CACNG2: variants seen among roughly 807,000 people sequenced by gnomAD.
The protein encoded by CACNG2 is calcium voltage-gated channel auxiliary subunit gamma 2, also known as voltage-dependent calcium channel gamma-2 subunit.
CACNG2 carries 3 observed loss-of-function variants against 25.9 expected under a neutral mutation model. The observed-to-expected ratio is 0.12, with a 90% CI of 0.05 to 0.30. The LOEUF is 0.30. CACNG2 is among the 10% of genes least tolerant of loss of function. The pLI is 1.00. For missense variants in CACNG2, 341 were observed against 432.5 expected (o/e 0.79, Z 1.88); for synonymous variants, 167 against 173.3 (o/e 0.96, Z 0.29).
intron 1 of CACNG2, among the ~76,000 whole-genome samples, chr22:36,588,914 T>C (rs187939693): frequency 1.3e-5 from 2 of 152,284 alleles, no homozygotes; most frequent in East Asian, 3.9e-4. Flanking sequence ...GACTATGTCT[T>C]ATAAAATAGG....
At chr22:36,654,266 G>C (rs1012885754) in intron 1 of CACNG2, among the ~76,000 whole-genome samples, 2 of 151,726 alleles carry the variant, frequency 1.3e-5, no homozygotes, top group Non-Finnish European at 2.9e-5. Flanking sequence ...TCTTCTTGTA[G>C]TTGTGTGTGC....
chr22:36,653,416 G>C (rs918975282), intron 1 of CACNG2, among the ~76,000 whole-genome samples: 4 of 127,312 alleles, frequency 3.1e-5, no homozygotes, highest in African/African-American at 2.2e-4. Flanking sequence ...GGCTTCCTTT[G>C]AAAAACTGGA....
intron 2 of CACNG2, among the ~76,000 whole-genome samples, chr22:36,578,049 T>TGGGGCTGGGTGATCCTAAGCTAGGATGA (rs1390458574): frequency 6.8e-6 from 1 of 146,692 alleles, no homozygotes; most frequent in Non-Finnish European, 1.5e-5. Flanking sequence ...AATGGGAGGG[T>TGGGGCTGGGTGATCCTAAGCTAGGATGA]GGGGCTGGGT....
chr22:36,604,614 T>G (rs4821509), intron 1 of CACNG2, among the ~76,000 whole-genome samples: 30,838 of 152,124 alleles, frequency 0.2, 3,835 homozygotes, highest in Non-Finnish European at 0.28. Flanking sequence ...TCAGCAGCTA[T>G]CAACATCGAG....
At chr22:36,599,856 A>G (rs1935728559) in intron 1 of CACNG2, among the ~76,000 whole-genome samples, 1 of 152,212 alleles carries the variant, frequency 6.6e-6, no homozygotes, top group Admixed American at 6.5e-5. Context: ...GGCTGTTTCC[A>G]AATATGTCTT....
intron 1 of CACNG2, among the ~76,000 whole-genome samples, chr22:36,686,497 G>A (rs775744045): frequency 5.3e-5 from 8 of 152,174 alleles, no homozygotes; most frequent in East Asian, 1.9e-4. Context: ...GGAGGAAGGC[G>A]GATAAACAGA....
At position 36,564,325 on chromosome 22, in the gene CACNG2, C is replaced by G. The variant is rs1935087179; in HGVS notation, c.*26G>C. The stretch of plus-strand genomic sequence containing the variant: ...CCCCGGGGACCGCGCCCTCCTCCCG[C>G]GGTCTTCTGGCGAGGCCCGCGGTCT... On this transcript the variant is annotated 3_prime_UTR_variant, in exon 4 of 4. Coordinates refer to ENST00000300105, the MANE Select transcript of CACNG2 (RefSeq NM_006078.5). The surrounding 1 kb of genome is among the most constrained non-coding windows in gnomAD (Gnocchi z 6.7). 6.3e-7 allele frequency: 1 copy of G among 1,597,168 alleles called. No individual in the cohort carries two copies. The highest frequency in any genetic ancestry group is 8.5e-7 in the Non-Finnish European group (1 of 1,171,982).
At chr22:36,587,912 G>C (rs1170929401) in intron 1 of CACNG2, among the ~76,000 whole-genome samples, 2 of 152,206 alleles carry the variant, frequency 1.3e-5, no homozygotes, top group East Asian at 3.8e-4. Flanking sequence ...AGCATAGCTG[G>C]GAGTCATCCT....
Position 36,561,662 on chromosome 22 carries a change from G to C in CACNG2, c.*2689C>G, listed in dbSNP as rs925836447. 1.3e-5 allele frequency: 2 copies of C among 152,448 alleles called. No homozygotes were observed. Among genetic ancestry groups the C allele is most frequent in the African/African-American group, 4.8e-5 (2 of 41,454 alleles). 9.4% of individuals were successfully genotyped at this position (152,448 alleles called of 1,614,324 possible). A position where few individuals can be genotyped will look rare whatever the true frequency, so the allele number is the denominator to read the frequency against. On this transcript the variant is annotated 3_prime_UTR_variant, in exon 4 of 4. Coordinates refer to ENST00000300105, the MANE Select transcript of CACNG2 (RefSeq NM_006078.5). ...GCCGGTGTCAAGAAAAATGCAAACC[G>C]GGGGAGACTCGCAGGCAGAGGCAGG...
chr22:36,612,976 A>T (rs1935967951), intron 1 of CACNG2, among the ~76,000 whole-genome samples: 1 of 152,144 alleles, frequency 6.6e-6, no homozygotes, highest in Non-Finnish European at 1.5e-5. Context: ...CTAAGAGGAG[A>T]TACAAAATAA....
chr22:36,570,823 C>T (rs1017194993), intron 2 of CACNG2, among the ~76,000 whole-genome samples: 3 of 150,660 alleles, frequency 2.0e-5, no homozygotes, highest in East Asian at 2.0e-4. Context: ...CATGCTTAGG[C>T]CACTAGACTT....
chr22:36,659,141 G>A lies in CACNG2; in HGVS notation c.211+43225C>T, dbSNP rs536167371. Reference sequence around the variant, plus strand: ...TGAAAATACCAACTGCTTCCCGCTAGGTGTAGGCACAGGCCTGCTGAGAGA... The same window carrying A: ...TGAAAATACCAACTGCTTCCCGCTAAGTGTAGGCACAGGCCTGCTGAGAGA... On this transcript the variant is annotated intron_variant, in intron 1 of 3. Transcript: ENST00000300105. 3.3e-5 allele frequency among the ~76,000 whole-genome samples: 5 copies of A among 152,284 alleles called. No homozygotes were observed. The South Asian group carries it at 1.0e-3, about 32-fold the overall frequency.
At chr22:36,678,925 G>T (rs1395284013) in intron 1 of CACNG2, among the ~76,000 whole-genome samples, 4 of 152,174 alleles carry the variant, frequency 2.6e-5, no homozygotes, top group African/African-American at 9.7e-5. Flanking sequence ...CACGTGGTTT[G>T]TGTCATTGCT....
At chr22:36,656,417 T>A (rs932274602) in intron 1 of CACNG2, among the ~76,000 whole-genome samples, 1 of 152,186 alleles carries the variant, frequency 6.6e-6, no homozygotes, top group Non-Finnish European at 1.5e-5. Flanking sequence ...TAAGCAAATC[T>A]TGTTGGCTTC....
chr22:36,597,049 GTCTC>G (rs1180537953), intron 1 of CACNG2, among the ~76,000 whole-genome samples: 1 of 152,048 alleles, frequency 6.6e-6, no homozygotes, highest in Non-Finnish European at 1.5e-5. Flanking sequence ...TTGAGATAGA[GTCTC>G]TCTCTGTTGC....
chr22:36,622,501 G>A (rs749100120), intron 1 of CACNG2, among the ~76,000 whole-genome samples: 1 of 152,234 alleles, frequency 6.6e-6, no homozygotes, highest in Non-Finnish European at 1.5e-5. Context: ...GAATAGGAAA[G>A]GAGAGTTTAG....
intron 1 of CACNG2, among the ~76,000 whole-genome samples, chr22:36,671,573 G>A (rs182652857): frequency 3.9e-5 from 6 of 152,328 alleles, no homozygotes; most frequent in East Asian, 1.9e-4. Context: ...AAATCTGGGC[G>A]TTAGGATCTC....
At chr22:36,687,323 A>G (rs1937214152) in intron 1 of CACNG2, among the ~76,000 whole-genome samples, 1 of 152,220 alleles carries the variant, frequency 6.6e-6, no homozygotes, top group African/African-American at 2.4e-5. Context: ...TTTTTCTGTT[A>G]CTTATCATCA....
At chr22:36,690,434 C>T (rs181856265) in intron 1 of CACNG2, among the ~76,000 whole-genome samples, 273 of 152,260 alleles carry the variant, frequency 1.8e-3, no homozygotes, top group Middle Eastern at 0.01. Context: ...GAGGGCCAAG[C>T]ACAACTCGCT....
Sources: allele counts gnomAD v4.1 joint callset (sites outside exome capture counted in the v4.1 genomes callset), GRCh38; gene constraint gnomAD v4.1.1; non-coding constraint Gnocchi (gnomAD v3.1); transcripts MANE v1.5; gene names NCBI Gene and HGNC (gene_info 2026-07-23, HGNC 2026-07-21).